Variants in DGCR8 observed in about 807,000 individuals in gnomAD.
DGCR8 encodes the protein DGCR8 microprocessor complex subunit, also known as microprocessor complex subunit DGCR8.
A neutral mutation model predicts 78.5 loss-of-function variants in DGCR8; 14 were observed. The observed-to-expected ratio is 0.18, with a 90% CI of 0.12 to 0.28. The LOEUF (loss-of-function observed/expected upper bound fraction) is 0.28. Among genes scored for constraint, DGCR8 ranks in the 10% least tolerant of loss-of-function variants. DGCR8 has a pLI of 1.00. For missense variants in DGCR8, 702 were observed against 1,022.5 expected, an observed-to-expected ratio of 0.69 and a Z score of 4.28; for synonymous variants, 399 against 402.4, an observed-to-expected ratio of 0.99 and a Z score of 0.10.
At chr22:20,102,871 G>A (rs1296490456) in intron 9 of DGCR8, among the ~76,000 whole-genome samples, 5 of 152,268 alleles carry the variant, frequency 3.3e-5, no homozygotes, top group East Asian at 3.9e-4. Context: ...AGTGGCTCAC[G>A]CCTGTAATCC....
rs1370921596 is a variant in DGCR8 at position 20,085,063 on chromosome 22, TCTC to T, written c.-277-619_-277-617del. On this transcript the variant is annotated intron_variant, in intron 1 of 13. Coordinates refer to ENST00000351989, the MANE Select transcript of DGCR8 (RefSeq NM_022720.7). This position sits in a 1 kb window ranked among gnomAD's most constrained non-coding sequence, Gnocchi z 6.2. Reference sequence around the variant, plus strand: ...TCCCTTCCCCACAGCCACCCACCCCTCTCCTCCATCGGGAACAGAACTATGCTG... The same window carrying T: ...TCCCTTCCCCACAGCCACCCACCCCTCTCCATCGGGAACAGAACTATGCTG... 1.1e-6 allele frequency: 1 copy of T among 894,520 alleles called. No homozygotes were observed. Among genetic ancestry groups the T allele is most frequent in the Non-Finnish European group, 1.3e-6 (1 of 751,690 alleles). The allele number at this position is 894,520 out of a possible 1,614,324, so 55.4% of individuals were successfully genotyped here.
Position 20,107,414 on chromosome 22 carries a change from C to T in DGCR8, c.2124+16C>T. The T allele has an allele frequency of 6.2e-7, 1 of 1,613,784 alleles. No individual in the cohort carries two copies. Among genetic ancestry groups the T allele is most frequent in the Non-Finnish European group, 8.5e-7 (1 of 1,179,926 alleles). On this transcript the variant is annotated intron_variant, in intron 12 of 13. Coordinates refer to ENST00000351989, the MANE Select transcript of DGCR8 (RefSeq NM_022720.7). ...GGTCAAGCAGGTAACTGGCCATCAGCAGGTCCCAGGGCAGCCTGTGCTGCC... is the reference window on the plus strand; with the variant it reads ...GGTCAAGCAGGTAACTGGCCATCAGTAGGTCCCAGGGCAGCCTGTGCTGCC...
chr22:20,081,146 G>A (rs1179145533), intron 1 of DGCR8, among the ~76,000 whole-genome samples: 2 of 152,204 alleles, frequency 1.3e-5, no homozygotes, highest in Non-Finnish European at 2.9e-5. Context: ...CTCTAAGTGC[G>A]GGATATGAGG....
intron 8 of DGCR8, among the ~76,000 whole-genome samples, chr22:20,093,909 G>A (rs2049596228): frequency 6.6e-6 from 1 of 152,216 alleles, no homozygotes; most frequent in Non-Finnish European, 1.5e-5. Flanking sequence ...GATTCTCGAG[G>A]TATCTGTCAT....
At chr22:20,100,520 C>T in intron 9 of DGCR8, 2 of 984,390 alleles carry the variant, frequency 2.0e-6, no homozygotes, top group African/African-American at 3.5e-5. Context: ...GTGTAGGTCT[C>T]ACGCTGCCTT....
chr22:20,091,098 C>T (rs528303574), intron 5 of DGCR8, among the ~76,000 whole-genome samples: 4 of 152,320 alleles, frequency 2.6e-5, no homozygotes, highest in Middle Eastern at 3.4e-3. Context: ...GCATGGAGCC[C>T]GGGTGCTGCT....
Position 20,092,089 on chromosome 22 carries a change from G to T in DGCR8, c.1606+119G>T, listed in dbSNP as rs1389280583. 8 of 778,556 alleles carry T rather than the reference G, an allele frequency of 1.0e-5. No homozygotes were observed. The East Asian group carries it at 2.2e-4, about 21-fold the overall frequency. 48.2% of individuals were successfully genotyped at this position (778,556 alleles called of 1,614,324 possible). A position where few individuals can be genotyped will look rare whatever the true frequency, so the allele number is the denominator to read the frequency against. On this transcript the variant is annotated intron_variant, in intron 7 of 13. Coordinates refer to ENST00000351989, the MANE Select transcript of DGCR8 (RefSeq NM_022720.7). Reference sequence around the variant, plus strand: ...CTACTGGAACGGGAGGAAAGGGAAGGGTAGAGAGCAGCGTGCTGCAGATGG... The same window carrying T: ...CTACTGGAACGGGAGGAAAGGGAAGTGTAGAGAGCAGCGTGCTGCAGATGG...
At chr22:20,107,096 G>A in intron 11 of DGCR8, 175 bp from the exon 12 acceptor site, 1 of 673,320 alleles carries the variant, frequency 1.5e-6, no homozygotes, top group Non-Finnish European at 2.6e-6. Flanking sequence ...CAAGGTGGCA[G>A]CTGGGTACTG....
chr22:20,094,793 G>T lies in DGCR8; in HGVS notation c.1786G>T (p.Glu596Ter). The change falls in exon 9 of 14, where the codon GAG becomes TAG. Residue 596 changes from glutamate (E) to a stop codon, truncating the protein, a stop_gained and splice_region_variant. Coordinates refer to ENST00000351989, the MANE Select transcript of DGCR8 (RefSeq NM_022720.7). LOFTEE classifies it high-confidence loss of function. ...EEKPKDSEEL[E>*]YFNHISIEDS... is the part of the protein sequence containing the mutation. ...GAAGCCCAAAGACAGTGAAGAACTCGAGGTGAGTGTTGTGGTCCTGCCCTG... is the reference window on the plus strand; with the variant it reads ...GAAGCCCAAAGACAGTGAAGAACTCTAGGTGAGTGTTGTGGTCCTGCCCTG... 1 of 1,613,870 alleles carries T rather than the reference G, an allele frequency of 6.2e-7. No homozygotes were observed. The highest frequency in any genetic ancestry group is 8.5e-7 in the Non-Finnish European group (1 of 1,179,804).
chr22:20,087,895 G>A lies in DGCR8; in HGVS notation c.880+574G>A, dbSNP rs1191016428. 6.6e-6 allele frequency among the ~76,000 whole-genome samples: 1 copy of A among 152,132 alleles called. No homozygotes were observed. Among genetic ancestry groups the A allele is most frequent in the African/African-American group, 2.4e-5 (1 of 41,444 alleles). On this transcript the variant is annotated intron_variant, in intron 3 of 13. Coordinates refer to ENST00000351989, the MANE Select transcript of DGCR8 (RefSeq NM_022720.7). This position sits in a 1 kb window ranked among gnomAD's most constrained non-coding sequence, Gnocchi z 4.1. The stretch of plus-strand genomic sequence containing the variant: ...GTAGTGGGGAGAGCACTTGAGAGGC[G>A]CCCAGAGTTGCACTGTGAGGCTCTG...
At position 20,094,774 on chromosome 22, in the gene DGCR8, C is replaced by T; in HGVS notation, c.1767C>T (p.Pro589=). The T allele has an allele frequency of 6.2e-7, 1 of 1,614,130 alleles. No individual in the cohort carries two copies. The highest frequency in any genetic ancestry group is 1.1e-5 in the South Asian group (1 of 91,084). The change falls in exon 9 of 14, where the codon CCC becomes CCT. Residue 589 remains proline, a synonymous_variant. Coordinates refer to ENST00000351989, the MANE Select transcript of DGCR8 (RefSeq NM_022720.7). ...DFVKQTSEEK[P]KDSEELEYFN... ...TTAAACAGACCTCTGAAGAGAAGCC[C>T]AAAGACAGTGAAGAACTCGAGGTGA...
At position 20,085,736 on chromosome 22, in the gene DGCR8, G is replaced by A. The variant is rs1160723039; in HGVS notation, c.-228G>A. 24 of 1,359,598 alleles carry A rather than the reference G, an allele frequency of 1.8e-5. No individual in the cohort carries two copies. The highest frequency in any genetic ancestry group is 1.1e-4 in the East Asian group (4 of 36,814). The allele number at this position is 1,359,598 out of a possible 1,614,324, so 84.2% of individuals were successfully genotyped here. A position where few individuals can be genotyped will look rare whatever the true frequency, so the allele number is the denominator to read the frequency against. On this transcript the variant is annotated 5_prime_UTR_variant, in exon 2 of 14. Coordinates refer to ENST00000351989, the MANE Select transcript of DGCR8 (RefSeq NM_022720.7). This position sits in a 1 kb window ranked among gnomAD's most constrained non-coding sequence, Gnocchi z 6.2. ...GGCATGAAGACAGACTCGCTTAGTC[G>A]CCAGTCACTTAAGCTGAGTGCATTG...
rs1380655334 is a variant in DGCR8, at chr22:20,085,217, C to T, written c.-277-470C>T. Reference sequence around the variant, plus strand: ...GCCATGCCTCTGAGGCCCCTAGTGCCGCAGAGTTGAGCTGAGGGTCTCGCG... The same window carrying T: ...GCCATGCCTCTGAGGCCCCTAGTGCTGCAGAGTTGAGCTGAGGGTCTCGCG... On this transcript the variant is annotated intron_variant, in intron 1 of 13. Transcript: ENST00000351989. The surrounding 1 kb of genome is among the most constrained non-coding windows in gnomAD (Gnocchi z 6.2). Among the ~76,000 whole-genome samples the T allele has an allele frequency of 2.0e-5, 3 of 152,146 alleles. No homozygotes were observed. Among genetic ancestry groups the T allele is most frequent in the Non-Finnish European group, 2.9e-5 (2 of 68,020 alleles).
intron 9 of DGCR8, among the ~76,000 whole-genome samples, chr22:20,097,223 G>T (rs1248210603): frequency 2.0e-5 from 3 of 152,172 alleles, no homozygotes; most frequent in African/African-American, 7.2e-5. Flanking sequence ...ATTTTCTTCT[G>T]TTGTGTGGAA....
intron 9 of DGCR8, chr22:20,096,287 G>A (rs2049627774): frequency 6.1e-6 from 1 of 164,068 alleles, no homozygotes; most frequent in Non-Finnish European, 1.3e-5. Context: ...ACATCTTCAT[G>A]TCGAATAGCT....
At position 20,107,545 on chromosome 22, in the gene DGCR8, G is replaced by T; in HGVS notation, c.2124+147G>T. 4 of 955,780 alleles carry T rather than the reference G, an allele frequency of 4.2e-6. No homozygotes were observed. The South Asian group carries it at 4.7e-5, about 11-fold the overall frequency. The allele number at this position is 955,780 out of a possible 1,614,324, so 59.2% of individuals were successfully genotyped here. ...TCCTGGGCCACTTGTGTGGCTTTGT[G>T]GGCAGGGGTGGGGTCGTCCCAGCTA... On this transcript the variant is annotated intron_variant, in intron 12 of 13. Transcript: ENST00000351989.
chr22:20,109,166 G>A (rs565644943), intron 13 of DGCR8, 163 bp downstream of exon 13: 36 of 536,928 alleles, frequency 6.7e-5, no homozygotes, highest in South Asian at 5.6e-4. Context: ...TTCGACATGT[G>A]TGATAGTTTT....
chr22:20,107,200 G>A, intron 11 of DGCR8, 71 bp from the exon 12 acceptor site: 1 of 1,592,022 alleles, frequency 6.3e-7, no homozygotes, highest in Non-Finnish European at 8.6e-7. Context: ...GGAGGGCTGG[G>A]AGCGGCAGGG....
chr22:20,082,160 G>A (rs2049426095), intron 1 of DGCR8, among the ~76,000 whole-genome samples: 1 of 150,804 alleles, frequency 6.6e-6, no homozygotes. Flanking sequence ...GGGTTCAAGC[G>A]ATTCTCCTGC....
Sources: gnomAD v4.1 joint callset for allele counts (sites outside exome capture counted in the v4.1 genomes callset) on GRCh38, gnomAD v4.1.1 for gene constraint, Gnocchi (gnomAD v3.1) non-coding constraint, MANE v1.5 for transcripts, NCBI Gene and HGNC (gene_info 2026-07-23, HGNC 2026-07-21) for gene names.